The following LOXL4 variants were observed in gnomAD, a reference collection of about 807,000 sequenced individuals.
LOXL4 encodes the protein lysyl oxidase homolog 4.
A neutral mutation model predicts 89.1 loss-of-function variants in LOXL4; 72 were observed. That is an observed-to-expected ratio of 0.81 (90% CI 0.67 to 0.98). The LOEUF is 0.98. Ranked by LOEUF, LOXL4 falls within the 50% of genes least tolerant of loss-of-function variation. The pLI is 0.00. For synonymous variants in LOXL4, 355 were observed against 392.1 expected, an observed-to-expected ratio of 0.91 and a Z score of 1.12; for missense variants, 984 against 1,017.5, an observed-to-expected ratio of 0.97 and a Z score of 0.45.
Position 98,263,068 on chromosome 10 carries a change from C to T in LOXL4, c.-32-17G>A, listed in dbSNP as rs1462448085. ...CCAAGATACCTGAGGAATGAGTAAACATGACAGTGATCACCACCTCTACCC... is the reference window on the plus strand; with the variant it reads ...CCAAGATACCTGAGGAATGAGTAAATATGACAGTGATCACCACCTCTACCC... On this transcript the variant is annotated splice_polypyrimidine_tract_variant and intron_variant, in intron 1 of 14. Coordinates refer to ENST00000260702, the MANE Select transcript of LOXL4 (RefSeq NM_032211.7). The T allele has an allele frequency of 6.3e-7, 1 of 1,590,932 alleles. No homozygotes were observed. Among genetic ancestry groups the T allele is most frequent in the Non-Finnish European group, 8.6e-7 (1 of 1,163,524 alleles).
chr10:98,262,087 C>A lies in LOXL4; in HGVS notation c.404G>T (p.Arg135Leu), dbSNP rs762351439. 6.2e-7 allele frequency: 1 copy of A among 1,612,356 alleles called. No homozygotes were observed. The highest frequency in any genetic ancestry group is 1.7e-4 in the Middle Eastern group (1 of 6,050). Residue 135 changes from arginine to leucine, a missense_variant, in exon 3 of 15, where the codon CGG becomes CTG. Arg to Leu is a moderately radical substitution (Grantham distance 102). Transcript: ENST00000260702. ...SEDVGVICHP[R>L]RHRGYLSETV... ...TTCAGAAAGGTAGCCACGATGGCGC[C>A]GGGGGTGGCATATCACCCCTACGTC...
chr10:98,263,456 G>A (rs959671249), intron 1 of LOXL4, among the ~76,000 whole-genome samples: 2 of 152,100 alleles, frequency 1.3e-5, no homozygotes, highest in Non-Finnish European at 2.9e-5. Context: ...GTAGGCAGAC[G>A]AGGTGGTCCA....
Position 98,249,000 on chromosome 10 carries a change from C to T in LOXL4, c.2201-9G>A. 1 of 1,612,686 alleles carries T rather than the reference C, an allele frequency of 6.2e-7. No individual in the cohort carries two copies. The highest frequency in any genetic ancestry group is 1.1e-5 in the South Asian group (1 of 90,674). On this transcript the variant is annotated splice_polypyrimidine_tract_variant and intron_variant, in intron 14 of 14. Transcript: ENST00000260702. The stretch of plus-strand genomic sequence containing the variant: ...GGCTGGGTATGAATTCCCTGTGGGC[C>T]AAAGGAAAACAGGTAAGTAGCCAAC...
In LOXL4 at chr10:98,262,337, G is replaced by A. The variant is rs879550986; in HGVS notation, c.278-124C>T. ...AACCCTGGGAGAAAGTGGCAGGGAG[G>A]AGGAAGTTTGGGTCTCCTGGGGAAT... On this transcript the variant is annotated intron_variant, in intron 2 of 14. Transcript: ENST00000260702. 8.8e-5 allele frequency: 90 copies of A among 1,017,736 alleles called. 1 individual carries two copies. The highest frequency in any genetic ancestry group is 5.0e-4 in the Middle Eastern group (2 of 4,032). 63.0% of individuals were successfully genotyped at this position (1,017,736 alleles called of 1,614,324 possible). A position where few individuals can be genotyped will look rare whatever the true frequency, so the allele number is the denominator to read the frequency against.
chr10:98,258,186 A>G (rs984057089), intron 6 of LOXL4, 22 bp from the exon 7 acceptor site: 1 of 1,597,810 alleles, frequency 6.3e-7, no homozygotes, highest in Non-Finnish European at 8.5e-7. Flanking sequence ...AACCTGCTTC[A>G]GGGACGGCTG....
intron 3 of LOXL4, 95 bp downstream of exon 3, chr10:98,261,940 T>C: frequency 7.7e-7 from 1 of 1,302,430 alleles, no homozygotes; most frequent in Non-Finnish European, 1.0e-6. Flanking sequence ...ACTGCACCCT[T>C]TCCCCTCGCT....
chr10:98,263,516 C>G (rs1415547582), intron 1 of LOXL4, among the ~76,000 whole-genome samples: 2 of 151,780 alleles, frequency 1.3e-5, no homozygotes, highest in African/African-American at 4.8e-5. Context: ...TCAAGACTAT[C>G]TACCCCAGGG....
chr10:98,255,470 A>T, intron 10 of LOXL4, 107 bp downstream of exon 10: 1 of 1,275,514 alleles, frequency 7.8e-7, no homozygotes, highest in Non-Finnish European at 1.1e-6. Flanking sequence ...TGGTACTTTC[A>T]TTCCCCCATG....
At chr10:98,252,323 G>T in intron 12 of LOXL4, 30 bp downstream of exon 12, 1 of 1,482,312 alleles carries the variant, frequency 6.7e-7, no homozygotes, top group Non-Finnish European at 9.4e-7. Context: ...AAAAGGAGAT[G>T]CTGATAGGTG....
intron 3 of LOXL4, 87 bp from the exon 4 acceptor site, chr10:98,261,214 G>T (rs1286458711): frequency 2.8e-6 from 4 of 1,435,380 alleles, no homozygotes; most frequent in South Asian, 1.2e-5. Flanking sequence ...AAAGGCTGGG[G>T]CTTGGAGCTT....
chr10:98,259,221 T>C lies in LOXL4; in HGVS notation c.709A>G (p.Ser237Gly). 1 of 1,610,512 alleles carries C rather than the reference T, an allele frequency of 6.2e-7. No homozygotes were observed. The highest frequency in any genetic ancestry group is 8.5e-7 in the Non-Finnish European group (1 of 1,178,832). The change falls in exon 6 of 15, where the codon AGC becomes GGC. Residue 237 changes from serine to glycine, a missense_variant. Transcript: ENST00000260702. ...CAGAAGGAGTTCTTATTCGTCAGGC[T>C]CTTCAGCCTAGAGGACAAGGGAGAC... ...KMRDPKSRLK[S>G]LTNKNSFWIH... is the part of the protein sequence containing the mutation.
At chr10:98,267,449 C>A (rs1192918305) in intron 1 of LOXL4, among the ~76,000 whole-genome samples, 1 of 152,148 alleles carries the variant, frequency 6.6e-6, no homozygotes, top group Non-Finnish European at 1.5e-5. Flanking sequence ...AGCAAATGCC[C>A]GAGTATTCAA....
chr10:98,262,595 G>GA (rs1306673042), intron 2 of LOXL4, 148 bp downstream of exon 2: 42 of 973,270 alleles, frequency 4.3e-5, no homozygotes, highest in Non-Finnish European at 4.5e-5. Flanking sequence ...GGGAGTAGGG[G>GA]CCATGTGCAG....
chr10:98,262,937 C>T lies in LOXL4; in HGVS notation c.83G>A (p.Gly28Asp). Residue 28 changes from glycine to aspartate, a missense_variant, in exon 2 of 15, where the codon GGC (glycine) becomes GAC (aspartate). Coordinates refer to ENST00000260702, the MANE Select transcript of LOXL4 (RefSeq NM_032211.7). ...GCCCACCAGCCGGAGCTTAGTGGTG[C>T]CCAGTGACTGTGGCCTGCTGGGAGG... is the stretch of plus-strand genomic sequence containing the variant. ...QPPPSRPQSL[G>D]TTKLRLVGPE... is the part of the protein sequence containing the mutation. 1 of 1,613,708 alleles carries T rather than the reference C, an allele frequency of 6.2e-7. No homozygotes were observed. Among genetic ancestry groups the T allele is most frequent in the Non-Finnish European group, 8.5e-7 (1 of 1,180,018 alleles).
chr10:98,257,504 G>A (rs913160141), intron 8 of LOXL4, 146 bp downstream of exon 8: 43 of 966,248 alleles, frequency 4.5e-5, no homozygotes, highest in Non-Finnish European at 6.5e-5. Context: ...AGCCAGGTCG[G>A]CTCTAAGGGA....
intron 13 of LOXL4, 143 bp downstream of exon 13, chr10:98,251,423 C>T (rs1858188601): frequency 3.4e-6 from 4 of 1,161,010 alleles, no homozygotes; most frequent in African/African-American, 1.5e-5. Flanking sequence ...TTGACTGTTA[C>T]TTCCCTAACA....
chr10:98,266,723 C>T (rs1327869981), intron 1 of LOXL4, among the ~76,000 whole-genome samples: 1 of 152,148 alleles, frequency 6.6e-6, no homozygotes, highest in Non-Finnish European at 1.5e-5. Flanking sequence ...CTCCCAGCCT[C>T]CAAGCCTTTG....
At chr10:98,254,086 A>G (rs1042332540) in intron 10 of LOXL4, among the ~76,000 whole-genome samples, 4 of 152,230 alleles carry the variant, frequency 2.6e-5, no homozygotes, top group Non-Finnish European at 5.9e-5. Flanking sequence ...CACTAGCTCT[A>G]TAACTGCTTA....
chr10:98,259,282 G>C, intron 5 of LOXL4, 54 bp from the exon 6 acceptor site: 1 of 1,582,572 alleles, frequency 6.3e-7, no homozygotes, highest in Middle Eastern at 2.2e-4. Context: ...AGAGCTTCAG[G>C]ACTAAGGGAG....
Sources: gnomAD v4.1 joint callset for allele counts (sites outside exome capture counted in the v4.1 genomes callset) on GRCh38, gnomAD v4.1.1 for gene constraint, MANE v1.5 for transcripts, NCBI Gene and HGNC (gene_info 2026-07-23, HGNC 2026-07-21) for gene names.